Variants in MSH3 observed in about 807,000 individuals in gnomAD.
The protein encoded by MSH3 is DNA mismatch repair protein Msh3.
Under a neutral mutation model 123.3 loss-of-function variants are expected in MSH3, and 106 were observed. The observed-to-expected ratio is 0.86, with a 90% CI of 0.73 to 1.01. MSH3 has a LOEUF of 1.01. MSH3 is among the 50% of genes least tolerant of loss of function. MSH3 has a pLI of 0.00. For synonymous variants in MSH3, 515 were observed against 481.4 expected, an observed-to-expected ratio of 1.07 and a Z score of -0.91; for missense variants, 1,459 against 1,347.6, an observed-to-expected ratio of 1.08 and a Z score of -1.29.
chr5:80,687,614 T>C (rs1040420690), intron 8 of MSH3, among the ~76,000 whole-genome samples: 1 of 152,044 alleles, frequency 6.6e-6, no homozygotes, highest in African/African-American at 2.4e-5. Context: ...GGAAATGATA[T>C]GAGGTCTGAG....
At chr5:80,697,210 C>G (rs963375187) in intron 8 of MSH3, among the ~76,000 whole-genome samples, 1 of 152,070 alleles carries the variant, frequency 6.6e-6, no homozygotes, top group Admixed American at 6.6e-5. Context: ...ACCTCCATAC[C>G]AAGTGGATTC....
In MSH3 at chr5:80,845,386, T is replaced by G. The variant is rs190809573; in HGVS notation, c.2814-8744T>G. Among the ~76,000 whole-genome samples, 484 of 152,292 alleles carry G rather than the reference T, an allele frequency of 3.2e-3. 5 individuals carry two copies. Among genetic ancestry groups the G allele is most frequent in the African/African-American group, 7.4e-3 (306 of 41,566 alleles). On this transcript the variant is annotated intron_variant, in intron 20 of 23. Coordinates refer to ENST00000265081, the MANE Select transcript of MSH3 (RefSeq NM_002439.5). ...ATCTGACAATTATGTGTCTTGGAGT[T>G]GCTCTTCTCGAGGAGTATCTTTGTG...
chr5:80,792,454 A>G (rs1744624896), intron 18 of MSH3, among the ~76,000 whole-genome samples: 2 of 151,990 alleles, frequency 1.3e-5, no homozygotes, highest in African/African-American at 4.8e-5. Context: ...GATCTTGTAA[A>G]GGTAAACTAC....
chr5:80,728,763 A>G, intron 9 of MSH3, 88 bp from the exon 10 acceptor site: 1 of 730,300 alleles, frequency 1.4e-6, no homozygotes. Flanking sequence ...TAATAATGCT[A>G]ACAAGTTAAT....
At chr5:80,769,174 T>C (rs1487489874) in intron 15 of MSH3, among the ~76,000 whole-genome samples, 171 bp downstream of exon 15, 3 of 152,140 alleles carry the variant, frequency 2.0e-5, no homozygotes, top group Non-Finnish European at 4.4e-5. Context: ...ATTTTAATGA[T>C]AGTGTTTTAT....
intron 20 of MSH3, among the ~76,000 whole-genome samples, chr5:80,840,681 G>T (rs1745605297): frequency 6.6e-6 from 1 of 151,822 alleles, no homozygotes; most frequent in Admixed American, 6.6e-5. Flanking sequence ...ATGCCATGTT[G>T]GTTTGCTGCA....
chr5:80,776,969 T>A (rs2112005319), intron 16 of MSH3, among the ~76,000 whole-genome samples: 1 of 150,044 alleles, frequency 6.7e-6, no homozygotes, highest in Admixed American at 6.6e-5. Context: ...TCTCTTTTCG[T>A]CAGCCAGGCT....
At position 80,876,104 on chromosome 5, in the gene MSH3, G is replaced by A; in HGVS notation, c.*242G>A. 4.1e-6 allele frequency: 2 copies of A among 483,472 alleles called. No homozygotes were observed. The highest frequency in any genetic ancestry group is 7.3e-6 in the Non-Finnish European group (2 of 272,658). 29.9% of individuals were successfully genotyped at this position (483,472 alleles called of 1,614,324 possible). On this transcript the variant is annotated 3_prime_UTR_variant, in exon 24 of 24. Transcript: ENST00000265081. ...CCACTTTGTAATTAGAAAATTTTAT[G>A]GACAGTAAGTCCAGTAAAGCCTTAA...
intron 21 of MSH3, among the ~76,000 whole-genome samples, chr5:80,856,642 G>A (rs1349084711): frequency 6.6e-6 from 1 of 151,914 alleles, no homozygotes; most frequent in Non-Finnish European, 1.5e-5. Flanking sequence ...CATGGCACAT[G>A]TATACAAATG....
At chr5:80,818,402 CAA>C (rs71603566) in intron 20 of MSH3, among the ~76,000 whole-genome samples, 3 of 63,832 alleles carry the variant, frequency 4.7e-5, no homozygotes, top group Admixed American at 2.3e-4. Context: ...ATAGCAATGA[CAA>C]AAAAAAAAAA....
At chr5:80,855,254 C>T (rs1242570384) in intron 21 of MSH3, among the ~76,000 whole-genome samples, 1 of 151,996 alleles carries the variant, frequency 6.6e-6, no homozygotes, top group African/African-American at 2.4e-5. Context: ...CTGTTTTCCC[C>T]CCCATTTTCT....
Position 80,725,695 on chromosome 5 carries a change from T to G in MSH3, c.1453+130T>G. 7 of 717,080 alleles carry G rather than the reference T, an allele frequency of 9.8e-6. No individual in the cohort carries two copies. In the South Asian group the frequency reaches 1.1e-4, roughly 11 times the overall value. The allele number at this position is 717,080 out of a possible 1,614,324, so 44.4% of individuals were successfully genotyped here. A position where few individuals can be genotyped will look rare whatever the true frequency, so the allele number is the denominator to read the frequency against. ...ATGTGGGAGAAGAAGAGCTCACTGT[T>G]GTTGTGCTCATCAGAAACACTATTG... On this transcript the variant is annotated intron_variant, in intron 9 of 23. Coordinates refer to ENST00000265081, the MANE Select transcript of MSH3 (RefSeq NM_002439.5).
chr5:80,716,738 A>C (rs1295063689), intron 8 of MSH3, among the ~76,000 whole-genome samples: 1 of 152,184 alleles, frequency 6.6e-6, no homozygotes, highest in East Asian at 1.9e-4. Flanking sequence ...TCAGACATTT[A>C]ATATCTTCTA....
intron 17 of MSH3, among the ~76,000 whole-genome samples, chr5:80,783,591 T>C (rs543413485): frequency 6.6e-6 from 1 of 152,168 alleles, no homozygotes; most frequent in Non-Finnish European, 1.5e-5. Flanking sequence ...TGGGACCCAC[T>C]AAGAGCTGTG....
At position 80,679,096 on chromosome 5, in the gene MSH3, A is replaced by G. The variant is rs756425587; in HGVS notation, c.1340+3A>G. 1 of 1,613,880 alleles carries G rather than the reference A, an allele frequency of 6.2e-7. No individual in the cohort carries two copies. The highest frequency in any genetic ancestry group is 8.5e-7 in the Non-Finnish European group (1 of 1,179,926). Reference sequence around the variant, plus strand: ...ATCCACAGAGCCACATCTGTTAGGTAAGTTGGCACATCACTGGAATATAAT... The same window carrying G: ...ATCCACAGAGCCACATCTGTTAGGTGAGTTGGCACATCACTGGAATATAAT... On this transcript the variant is annotated splice_donor_region_variant and intron_variant, in intron 8 of 23. Coordinates refer to ENST00000265081, the MANE Select transcript of MSH3 (RefSeq NM_002439.5).
At chr5:80,663,963 G>A (rs1489442673) in intron 2 of MSH3, among the ~76,000 whole-genome samples, 1 of 152,180 alleles carries the variant, frequency 6.6e-6, no homozygotes, top group Non-Finnish European at 1.5e-5. Flanking sequence ...ATAAATGTGT[G>A]CAGTCCCAGT....
intron 8 of MSH3, among the ~76,000 whole-genome samples, chr5:80,711,905 C>T (rs1006865485): frequency 1.3e-5 from 2 of 152,114 alleles, no homozygotes; most frequent in South Asian, 4.2e-4. Flanking sequence ...CCACCTGTCT[C>T]GGCCTCCCAC....
At chr5:80,665,868 G>A (rs1188208076) in intron 3 of MSH3, among the ~76,000 whole-genome samples, 2 of 152,072 alleles carry the variant, frequency 1.3e-5, no homozygotes, top group Non-Finnish European at 2.9e-5. Context: ...GCAGAATCAG[G>A]GAATTTAACT....
chr5:80,810,286 A>G (rs1020128037), intron 19 of MSH3, among the ~76,000 whole-genome samples: 1 of 151,274 alleles, frequency 6.6e-6, no homozygotes, highest in African/African-American at 2.4e-5. Flanking sequence ...ATTGTAAATA[A>G]TTGTTTTAAC....
Sources: allele counts gnomAD v4.1 joint callset (sites outside exome capture counted in the v4.1 genomes callset), GRCh38; gene constraint gnomAD v4.1.1; transcripts MANE v1.5; gene names NCBI Gene and HGNC (gene_info 2026-07-23, HGNC 2026-07-21).